The following PYROXD2 variants were observed in gnomAD, a reference collection of about 807,000 sequenced individuals.
PYROXD2 encodes the protein pyridine nucleotide-disulphide oxidoreductase domain 2.
A neutral mutation model predicts 71.1 loss-of-function variants in PYROXD2; 69 were observed. The ratio of observed to expected loss-of-function variants is 0.97; its 90% CI spans 0.80 to 1.19. The LOEUF (loss-of-function observed/expected upper bound fraction) is 1.19. Among genes scored for constraint, PYROXD2 ranks in the 50% most tolerant of loss-of-function variants. The pLI, the probability that PYROXD2 is intolerant of heterozygous loss-of-function variation, is 0.00. For missense variants in PYROXD2, 745 were observed against 748.9 expected, an observed-to-expected ratio of 0.99 and a Z score of 0.06; for synonymous variants, 287 against 302.7, an observed-to-expected ratio of 0.95 and a Z score of 0.54.
At chr10:98,395,673 C>T (rs960292902) in intron 6 of PYROXD2, among the ~76,000 whole-genome samples, 1 of 152,176 alleles carries the variant, frequency 6.6e-6, no homozygotes, top group African/African-American at 2.4e-5. Context: ...GCTTCTTTAC[C>T]TGTAAAATGG....
At chr10:98,389,390 C>T (rs1027556900) in intron 12 of PYROXD2, among the ~76,000 whole-genome samples, 2 of 152,214 alleles carry the variant, frequency 1.3e-5, no homozygotes, top group Non-Finnish European at 2.9e-5. Context: ...GATTCTGCAA[C>T]AGTAACCCAT....
chr10:98,406,095 G>A (rs1843587658), intron 4 of PYROXD2, among the ~76,000 whole-genome samples: 1 of 152,166 alleles, frequency 6.6e-6, no homozygotes, highest in African/African-American at 2.4e-5. Context: ...TGCTCCAGAT[G>A]GGGTGAGTCC....
At chr10:98,386,112 CAAAAA>C (rs35276474) in intron 14 of PYROXD2, among the ~76,000 whole-genome samples, 5 of 134,046 alleles carry the variant, frequency 3.7e-5, no homozygotes, top group Non-Finnish European at 4.9e-5. Context: ...CTCATCTCTA[CAAAAA>C]AAAAAAAAAA....
chr10:98,401,145 CG>C (rs961661772), intron 4 of PYROXD2, among the ~76,000 whole-genome samples: 1 of 150,256 alleles, frequency 6.7e-6, no homozygotes, highest in Non-Finnish European at 1.5e-5. Flanking sequence ...CCCAACTACT[CG>C]GAAGGCTGAG....
At chr10:98,401,664 A>T (rs1402340895) in intron 4 of PYROXD2, among the ~76,000 whole-genome samples, 1 of 152,082 alleles carries the variant, frequency 6.6e-6, no homozygotes, top group African/African-American at 2.4e-5. Context: ...AAAATTTTTT[A>T]TTTTTATTTT....
In PYROXD2 at chr10:98,388,510, T is replaced by C; in HGVS notation, c.1293-2A>G. Reference sequence around the variant, plus strand: ...GGGATGCAGAGCTCAATCACAGGCCTGTGCGGGCAGGGAGGAGACGGCAGG... The same window carrying C: ...GGGATGCAGAGCTCAATCACAGGCCCGTGCGGGCAGGGAGGAGACGGCAGG... On this transcript the variant is annotated splice_acceptor_variant, in intron 12 of 15. Transcript: ENST00000370575. LOFTEE classifies it high-confidence loss of function. 1 of 1,592,746 alleles carries C rather than the reference T, an allele frequency of 6.3e-7. No individual in the cohort carries two copies.
Position 98,390,999 on chromosome 10 carries a change from G to A in PYROXD2, c.1135+11C>T. The A allele has an allele frequency of 1.2e-6, 2 of 1,601,460 alleles. No homozygotes were observed. The highest frequency in any genetic ancestry group is 1.7e-6 in the Non-Finnish European group (2 of 1,168,608). ...AAAGGAGACAGTGCTGCAATGTGGT[G>A]TGCCTCTTACCATTGATCTTGGTGA... On this transcript the variant is annotated intron_variant, in intron 11 of 15. Coordinates refer to ENST00000370575, the MANE Select transcript of PYROXD2 (RefSeq NM_032709.3).
chr10:98,395,218 T>C lies in PYROXD2; in HGVS notation c.763A>G (p.Ser255Gly), dbSNP rs1209382829. 6.2e-7 allele frequency: 1 copy of C among 1,614,174 alleles called. No homozygotes were observed. Among genetic ancestry groups the C allele is most frequent in the Non-Finnish European group, 8.5e-7 (1 of 1,180,024 alleles). ...CACCCACTCCCCGGAGTGTGGGGAC[T>C]TGTCATGGCTCCAATCACTGCATCT... ...ATDAVIGAMT[S>G]PHTPGSGYVL... Residue 255 changes from serine (S) to glycine (G), a missense_variant, in exon 8 of 16, where the codon AGT (serine) becomes GGT (glycine). By Grantham distance (56) the Ser-to-Gly change is moderately conservative. Transcript: ENST00000370575.
At chr10:98,398,840 A>C (rs540358447) in intron 5 of PYROXD2, among the ~76,000 whole-genome samples, 1 of 152,328 alleles carries the variant, frequency 6.6e-6, no homozygotes, top group East Asian at 1.9e-4. Flanking sequence ...CTTTTAAAAA[A>C]GCTAAGCTCC....
At chr10:98,389,691 C>T (rs1204193115) in intron 12 of PYROXD2, among the ~76,000 whole-genome samples, 5 of 152,190 alleles carry the variant, frequency 3.3e-5, no homozygotes, top group African/African-American at 9.6e-5. Context: ...CACTTCCTTC[C>T]GGTCTCCGCT....
At chr10:98,409,539 C>G (rs146485872) in intron 2 of PYROXD2, among the ~76,000 whole-genome samples, 12 of 152,328 alleles carry the variant, frequency 7.9e-5, no homozygotes, top group African/African-American at 2.6e-4. Flanking sequence ...AAGTGTGTTC[C>G]TGGTGGGCTT....
intron 1 of PYROXD2, among the ~76,000 whole-genome samples, chr10:98,412,908 G>A (rs186776096): frequency 6.6e-6 from 1 of 152,292 alleles, no homozygotes; most frequent in Admixed American, 6.5e-5. Context: ...GCTAAGTGAG[G>A]TGCTGGAGAT....
intron 2 of PYROXD2, among the ~76,000 whole-genome samples, chr10:98,410,299 G>A (rs1843742831): frequency 6.6e-6 from 1 of 152,182 alleles, no homozygotes. Context: ...TTGTGGCCTT[G>A]AATGCCTTCT....
At chr10:98,405,579 G>T (rs1165148141) in intron 4 of PYROXD2, among the ~76,000 whole-genome samples, 1 of 152,198 alleles carries the variant, frequency 6.6e-6, no homozygotes, top group Admixed American at 6.5e-5. Flanking sequence ...TTACAGATGA[G>T]GAAAAGAAGG....
At chr10:98,409,674 C>T (rs1342085173) in intron 2 of PYROXD2, among the ~76,000 whole-genome samples, 4 of 152,206 alleles carry the variant, frequency 2.6e-5, no homozygotes, top group Admixed American at 6.5e-5. Flanking sequence ...TTCACAGCAG[C>T]TCTGTGAGGG....
Position 98,390,699 on chromosome 10 carries a change from C to G in PYROXD2, c.1191G>C (p.Gln397His). Residue 397 changes from glutamine to histidine, a missense_variant, in exon 12 of 16, where the codon CAG (glutamine) becomes CAC (histidine). Transcript: ENST00000370575. The part of the protein sequence containing the change: ...FLAAPNAPRG[Q>H]PLPHHQCSIH... The stretch of plus-strand genomic sequence containing the variant: ...TGGAGCATTGGTGATGGGGCAGCGG[C>G]TGGCCCCTGGGAGCATTGGGGGCCG... 6.2e-7 allele frequency: 1 copy of G among 1,612,432 alleles called. No homozygotes were observed. The highest frequency in any genetic ancestry group is 8.5e-7 in the Non-Finnish European group (1 of 1,179,098).
chr10:98,395,543 G>A (rs1223402234), intron 6 of PYROXD2, 91 bp from the exon 7 acceptor site: 3 of 1,102,112 alleles, frequency 2.7e-6, no homozygotes, highest in East Asian at 2.4e-5. Context: ...GGAGGATGCT[G>A]AGACTTCCTG....
chr10:98,391,867 C>T (rs982803191), intron 10 of PYROXD2, among the ~76,000 whole-genome samples: 2 of 152,128 alleles, frequency 1.3e-5, no homozygotes, highest in African/African-American at 4.8e-5. Context: ...CCTGGACCAG[C>T]CACCACCAGC....
rs759667375 is a variant in PYROXD2, at chr10:98,388,386, TC to T, written c.1414del (p.Asp472ThrfsTer91). On this transcript the variant is annotated frameshift_variant, in exon 13 of 16. Coordinates refer to ENST00000370575, the MANE Select transcript of PYROXD2 (RefSeq NM_032709.3). LOFTEE classifies it high-confidence loss of function. ...PYTLAGGKAW[D>X]EQERDAYADR... ...TGCATAAGCGTCTCTCTCCTGCTCG[TC>T]CCAGGCCTTGCCTCCAGCCAGCGTA... 3.0e-5 allele frequency: 49 copies of T among 1,613,636 alleles called. No homozygotes were observed. The highest frequency in any genetic ancestry group is 4.2e-5 in the Non-Finnish European group (49 of 1,179,948).
Sources: gnomAD v4.1 joint callset for allele counts (sites outside exome capture counted in the v4.1 genomes callset) on GRCh38, gnomAD v4.1.1 for gene constraint, MANE v1.5 for transcripts, NCBI Gene and HGNC (gene_info 2026-07-23, HGNC 2026-07-21) for gene names.